Variants in TRIM2 observed in about 807,000 individuals in gnomAD.
The protein encoded by TRIM2 is tripartite motif containing 2, also known as tripartite motif-containing protein 2.
TRIM2 carries 20 observed loss-of-function variants against 75.2 expected under a neutral mutation model. The observed-to-expected ratio is 0.27, with a 90% CI of 0.19 to 0.39. TRIM2 has a LOEUF of 0.39. TRIM2 is among the 10% of genes least tolerant of loss of function. The probability of loss-of-function intolerance (pLI) is 1.00; values close to 1 mark genes in which losing one functional copy is unlikely to be tolerated. For synonymous variants in TRIM2, 373 were observed against 388.3 expected, an observed-to-expected ratio of 0.96 and a Z score of 0.46; for missense variants, 660 against 990.8, an observed-to-expected ratio of 0.67 and a Z score of 4.48.
chr4:153,246,180 T>C (rs934349230), intron 1 of TRIM2, among the ~76,000 whole-genome samples: 1 of 152,254 alleles, frequency 6.6e-6, no homozygotes, highest in Non-Finnish European at 1.5e-5. Context: ...GGCAACGTGC[T>C]AAGCATCTTT....
At chr4:153,240,895 G>A (rs1391330952) in intron 1 of TRIM2, among the ~76,000 whole-genome samples, 1 of 152,124 alleles carries the variant, frequency 6.6e-6, no homozygotes, top group Non-Finnish European at 1.5e-5. Context: ...TGATCAACAT[G>A]GTGAAACCTT....
In TRIM2 at chr4:153,244,357, CT is replaced by C. The variant is rs1748108192; in HGVS notation, c.31-25976del. Among the ~76,000 whole-genome samples the C allele has an allele frequency of 4.2e-4, 9 of 21,210 alleles. 1 individual carries two copies. The highest frequency in any genetic ancestry group is 3.3e-3 in the African/African-American group (9 of 2,700). The allele number at this position is 21,210 out of a possible 152,430, so 13.9% of individuals were successfully genotyped here. A position where few individuals can be genotyped will look rare whatever the true frequency, so the allele number is the denominator to read the frequency against. On this transcript the variant is annotated intron_variant, in intron 1 of 11. Coordinates refer to ENST00000338700, the MANE Select transcript of TRIM2 (RefSeq NM_015271.5). Reference sequence around the variant, plus strand: ...TCTTCTTCTTCTTCTTCTTCTTCCTCTTCTTCTTCTTCTTCTTCTTCTTCTT... The same window carrying C: ...TCTTCTTCTTCTTCTTCTTCTTCCTCTCTTCTTCTTCTTCTTCTTCTTCTT...
intron 1 of TRIM2, among the ~76,000 whole-genome samples, chr4:153,166,551 T>C (rs1730345642): frequency 6.7e-6 from 1 of 150,144 alleles, no homozygotes; most frequent in Admixed American, 6.6e-5. Flanking sequence ...CTCTCTCTCT[T>C]TCTTTTTTTT....
chr4:153,302,294 C>G (rs1392476979), intron 6 of TRIM2, among the ~76,000 whole-genome samples: 4 of 152,140 alleles, frequency 2.6e-5, no homozygotes, highest in Non-Finnish European at 5.9e-5. Context: ...AAAGACAACA[C>G]TCACTATGCA....
intron 1 of TRIM2, among the ~76,000 whole-genome samples, chr4:153,244,147 C>CTTG (rs1221175658): frequency 2.2e-5 from 3 of 139,058 alleles, no homozygotes; most frequent in Non-Finnish European, 4.7e-5. Flanking sequence ...TCTTCTTGTT[C>CTTG]TTCTTGTTCT....
At chr4:153,244,360 C>A (rs1748115722) in intron 1 of TRIM2, among the ~76,000 whole-genome samples, 1 of 28,742 alleles carries the variant, frequency 3.5e-5, no homozygotes, top group African/African-American at 2.8e-4. Context: ...TCTTCCTCTT[C>A]TTCTTCTTCT....
At chr4:153,200,298 T>C (rs1297559593), upstream of TRIM2, among the ~76,000 whole-genome samples, 1 of 152,192 alleles carries the variant, frequency 6.6e-6, no homozygotes, top group Non-Finnish European at 1.5e-5. Flanking sequence ...TCATACAATA[T>C]GCAACCTTTT....
intron 1 of TRIM2, among the ~76,000 whole-genome samples, chr4:153,252,267 C>A (rs1013600590): frequency 1.3e-5 from 2 of 152,116 alleles, no homozygotes; most frequent in African/African-American, 2.4e-5. Flanking sequence ...ACTTAGCTGG[C>A]TTTGTTCTAC....
intron 6 of TRIM2, among the ~76,000 whole-genome samples, chr4:153,313,473 C>G (rs533981795): frequency 3.9e-5 from 6 of 152,120 alleles, no homozygotes; most frequent in Admixed American, 1.3e-4. Context: ...AATCCATCAC[C>G]AATTTCAATT....
chr4:153,249,256 C>T (rs1750163893), intron 1 of TRIM2, among the ~76,000 whole-genome samples: 1 of 152,248 alleles, frequency 6.6e-6, no homozygotes, highest in Non-Finnish European at 1.5e-5. Flanking sequence ...GTGGAGGGGA[C>T]CCGCCTTCTT....
chr4:153,247,142 T>C (rs1309980400), intron 1 of TRIM2, among the ~76,000 whole-genome samples: 1 of 152,194 alleles, frequency 6.6e-6, no homozygotes, highest in African/African-American at 2.4e-5. Flanking sequence ...AGGACTCATT[T>C]CCACAGGCCG....
intron 1 of TRIM2, among the ~76,000 whole-genome samples, chr4:153,208,919 G>C (rs1736194873): frequency 6.6e-6 from 1 of 152,232 alleles, no homozygotes; most frequent in African/African-American, 2.4e-5. Flanking sequence ...ATCTGGAGCA[G>C]TGGGTGGGTA....
At chr4:153,166,763 C>A (rs964006669) in intron 1 of TRIM2, among the ~76,000 whole-genome samples, 1 of 152,128 alleles carries the variant, frequency 6.6e-6, no homozygotes, top group Non-Finnish European at 1.5e-5. Context: ...GACTAAGAAG[C>A]CTCCTAAGAA....
Position 153,255,298 on chromosome 4 carries a change from G to A in TRIM2, c.31-15037G>A, listed in dbSNP as rs57780197. 3.2e-3 allele frequency among the ~76,000 whole-genome samples: 487 copies of A among 152,294 alleles called. 1 individual carries two copies. The highest frequency in any genetic ancestry group is 0.011 in the African/African-American group (460 of 41,552). Reference sequence around the variant, plus strand: ...TTAACATCCTCTGGCTGGAAGCCCAGCAACAAGACCAAAGATCTCTCCCAC... The same window carrying A: ...TTAACATCCTCTGGCTGGAAGCCCAACAACAAGACCAAAGATCTCTCCCAC... On this transcript the variant is annotated intron_variant, in intron 1 of 11. Coordinates refer to ENST00000338700, the MANE Select transcript of TRIM2 (RefSeq NM_015271.5).
rs1772518262 is a variant in TRIM2 at position 153,336,911 on chromosome 4, A to G, written c.*1945A>G. On this transcript the variant is annotated 3_prime_UTR_variant, in exon 12 of 12. Coordinates refer to ENST00000338700, the MANE Select transcript of TRIM2 (RefSeq NM_015271.5). Reference sequence around the variant, plus strand: ...CTATAAAATTCAATAACTTTTTAGAATGTTAAATGAAGACACTGTTTCCTA... The same window carrying G: ...CTATAAAATTCAATAACTTTTTAGAGTGTTAAATGAAGACACTGTTTCCTA... The G allele has an allele frequency of 5.1e-6, 5 of 984,938 alleles. No homozygotes were observed. In the South Asian group the frequency reaches 2.4e-4, roughly 46 times the overall value. The allele number at this position is 984,938 out of a possible 1,614,324, so 61.0% of individuals were successfully genotyped here.
At chr4:153,229,765 T>C (rs1191347463) in intron 1 of TRIM2, among the ~76,000 whole-genome samples, 1 of 152,212 alleles carries the variant, frequency 6.6e-6, no homozygotes, top group African/African-American at 2.4e-5. Flanking sequence ...TGTAATGCAG[T>C]ACAAAATATT....
At chr4:153,178,998 C>T (rs1405702021) in intron 1 of TRIM2, among the ~76,000 whole-genome samples, 1 of 152,022 alleles carries the variant, frequency 6.6e-6, no homozygotes, top group African/African-American at 2.4e-5. Flanking sequence ...CTAGCCTGGG[C>T]AACAAACACA....
At chr4:153,153,445 G>A (rs972438513) in intron 1 of TRIM2, among the ~76,000 whole-genome samples, 1 of 152,152 alleles carries the variant, frequency 6.6e-6, no homozygotes, top group Non-Finnish European at 1.5e-5. Context: ...GCGCGCTGGC[G>A]AGGAGGCGAC....
At chr4:153,314,738 G>A (rs1767218699) in intron 6 of TRIM2, among the ~76,000 whole-genome samples, 1 of 152,064 alleles carries the variant, frequency 6.6e-6, no homozygotes, top group Admixed American at 6.6e-5. Flanking sequence ...CTGAGATATT[G>A]AATCTTTGAA....
Sources: allele counts gnomAD v4.1 joint callset (sites outside exome capture counted in the v4.1 genomes callset), GRCh38; gene constraint gnomAD v4.1.1; transcripts MANE v1.5; gene names NCBI Gene and HGNC (gene_info 2026-07-23, HGNC 2026-07-21).